HOOK2: variants seen among roughly 807,000 people sequenced by gnomAD.
HOOK2 encodes the protein protein Hook homolog 2.
HOOK2 carries 108 observed loss-of-function variants against 111.9 expected under a neutral mutation model. The ratio of observed to expected loss-of-function variants is 0.96; its 90% CI spans 0.83 to 1.13. HOOK2 has a LOEUF of 1.13. Among genes scored for constraint, HOOK2 ranks in the 50% most tolerant of loss-of-function variants. HOOK2 has a pLI of 0.00. For synonymous variants in HOOK2, 405 were observed against 394.3 expected (o/e 1.03, Z -0.32); for missense variants, 978 against 951.3 (o/e 1.03, Z -0.37).
rs1390932847 is a variant in HOOK2, at chr19:12,765,072, A to T, written c.1650T>A (p.Leu550=). The change falls in exon 19 of 23, where the codon CTT becomes CTA. Residue 550 remains leucine (L), a synonymous_variant. Coordinates refer to ENST00000397668, the MANE Select transcript of HOOK2 (RefSeq NM_013312.3). The part of the protein sequence containing the change: ...KRKLEEHLQK[L]HEADLELQRK... ...TCTGCAACTCCAGATCTGCCTCATG[A>T]AGCTTCTGCCTGTGGGCCGGGGATG... 3 of 1,614,022 alleles carry T rather than the reference A, an allele frequency of 1.9e-6. No individual in the cohort carries two copies. In the East Asian group the frequency reaches 6.7e-5, roughly 36 times the overall value.
At chr19:12,776,043 A>C (rs1423656669), upstream of HOOK2, among the ~76,000 whole-genome samples, 4 of 148,426 alleles carry the variant, frequency 2.7e-5, no homozygotes, top group East Asian at 8.1e-4. Context: ...TCGCCCGGCT[A>C]ATTTTTTGTA....
At position 12,771,483 on chromosome 19, in the gene HOOK2, G is replaced by C. The variant is rs572761575; in HGVS notation, c.520-6C>G. ...AGGAAATAGTACCTGCGGGACTGCAGAGATGAGGGGGAAGAGGAACTCAGG... is the reference window on the plus strand; with the variant it reads ...AGGAAATAGTACCTGCGGGACTGCACAGATGAGGGGGAAGAGGAACTCAGG... On this transcript the variant is annotated splice_region_variant and splice_polypyrimidine_tract_variant and intron_variant, in intron 7 of 22. Coordinates refer to ENST00000397668, the MANE Select transcript of HOOK2 (RefSeq NM_013312.3). The C allele has an allele frequency of 6.2e-7, 1 of 1,608,192 alleles. No individual in the cohort carries two copies. The highest frequency in any genetic ancestry group is 1.3e-5 in the African/African-American group (1 of 74,982).
intron 14 of HOOK2, 53 bp from the exon 15 acceptor site, chr19:12,766,293 C>T: frequency 2.0e-6 from 3 of 1,478,872 alleles, no homozygotes; most frequent in Admixed American, 4.5e-5. Context: ...CTCGCAGGCT[C>T]GCTGGGGCTC....
upstream of HOOK2, among the ~76,000 whole-genome samples, chr19:12,782,525 G>A (rs1968613497): frequency 6.6e-6 from 1 of 152,252 alleles, no homozygotes; most frequent in South Asian, 2.1e-4. Flanking sequence ...CCCTCCCCGC[G>A]TTGCGGGGGC....
intron 1 of HOOK2, 94 bp from the exon 2 acceptor site, chr19:12,774,991 A>G (rs1968453150): frequency 3.2e-6 from 4 of 1,257,714 alleles, no homozygotes; most frequent in East Asian, 2.5e-5. Flanking sequence ...CGAACCTCAC[A>G]TGGTGGGGCG....
chr19:12,768,265 G>A (rs932218693), intron 11 of HOOK2, 142 bp from the exon 12 acceptor site: 1 of 686,254 alleles, frequency 1.5e-6, no homozygotes, highest in Admixed American at 3.0e-5. Flanking sequence ...GTATGTTTTT[G>A]CTTGTTTTTT....
upstream of HOOK2, among the ~76,000 whole-genome samples, chr19:12,782,590 C>G (rs1169248720): frequency 1.3e-5 from 2 of 152,122 alleles, no homozygotes; most frequent in South Asian, 2.1e-4. Context: ...GCGTGGAACC[C>G]GACGCGGTCG....
chr19:12,782,701 G>A (rs1422640382), upstream of HOOK2, among the ~76,000 whole-genome samples: 1 of 152,120 alleles, frequency 6.6e-6, no homozygotes, highest in Admixed American at 6.5e-5. Context: ...GGCGCGCAGG[G>A]CAGGACCAGC....
chr19:12,765,942 C>T lies in HOOK2; in HGVS notation c.1584G>A (p.Gly528=), dbSNP rs770670970. Residue 528 remains glycine (G), a synonymous_variant, in exon 16 of 23, where the codon GGG becomes GGA. Coordinates refer to ENST00000397668, the MANE Select transcript of HOOK2 (RefSeq NM_013312.3). ...TGACACTCACATCTTCAGTCTTGCCCCCCTGCTCCTGCAGGGCTTTCTGCA... is the reference window on the plus strand; with the variant it reads ...TGACACTCACATCTTCAGTCTTGCCTCCCTGCTCCTGCAGGGCTTTCTGCA... ...EDLQKALQEQ[G]GKTEDAISIL... The T allele has an allele frequency of 3.7e-6, 6 of 1,613,944 alleles. No individual in the cohort carries two copies. The highest frequency in any genetic ancestry group is 5.1e-6 in the Non-Finnish European group (6 of 1,179,958).
upstream of HOOK2, among the ~76,000 whole-genome samples, chr19:12,779,634 G>A (rs1968577008): frequency 6.6e-6 from 1 of 152,188 alleles, no homozygotes; most frequent in Non-Finnish European, 1.5e-5. Context: ...GGGATTTCAG[G>A]CGTGAGCCAC....
Position 12,785,305 on chromosome 19 carries a change from C to T in HOOK2, n.42-11080G>A, listed in dbSNP as rs1032396671. 5.3e-5 allele frequency among the ~76,000 whole-genome samples: 8 copies of T among 152,076 alleles called. No homozygotes were observed. The South Asian group carries it at 1.7e-3, about 32-fold the overall frequency. The stretch of plus-strand genomic sequence containing the variant: ...GCCACAGACCTCTTTTTCACACACA[C>T]ACACACACACCAGATCGTATACACA... On this transcript the variant is annotated intron_variant and non_coding_transcript_variant, in intron 3 of 3. Transcript: ENST00000589765.
upstream of HOOK2, among the ~76,000 whole-genome samples, chr19:12,777,867 T>G (rs1568377247): frequency 6.6e-6 from 1 of 152,278 alleles, no homozygotes; most frequent in Non-Finnish European, 1.5e-5. Context: ...TAAATTGCAG[T>G]CACCATGTAT....
At chr19:12,779,782 G>T (rs575901040), upstream of HOOK2, among the ~76,000 whole-genome samples, 12 of 152,272 alleles carry the variant, frequency 7.9e-5, no homozygotes, top group African/African-American at 2.6e-4. Context: ...GATTTGATGG[G>T]GGGGAGGGCT....
In HOOK2 at chr19:12,765,981, G is replaced by A. The variant is rs1968133797; in HGVS notation, c.1545C>T (p.Ala515=). 14 of 1,614,016 alleles carry A rather than the reference G, an allele frequency of 8.7e-6. No homozygotes were observed. The highest frequency in any genetic ancestry group is 1.2e-5 in the Non-Finnish European group (14 of 1,180,020). The change falls in exon 16 of 23, where the codon GCC becomes GCT. Residue 515 remains alanine, a synonymous_variant. Coordinates refer to ENST00000397668, the MANE Select transcript of HOOK2 (RefSeq NM_013312.3). ...LNQQQLSELR[A]QVEDLQKALQ... ...GGGCTTTCTGCAGGTCCTCCACCTG[G>A]GCCCGCAGCTCGGATAGCTGCTGCT...
In HOOK2 at chr19:12,770,028, G is replaced by T; in HGVS notation, c.957C>A (p.Arg319=). The change falls in exon 11 of 23, where the codon CGC becomes CGA. Residue 319 remains arginine, a synonymous_variant. Transcript: ENST00000397668. ...QLEATLTSCR[R]RLGELRELRR... ...GCAGCTCCCTCAGCTCGCCCAAGCG[G>T]CGCCGGCAACTGGTCAGCGTGGCCT... The T allele has an allele frequency of 6.5e-7, 1 of 1,540,626 alleles. No individual in the cohort carries two copies.
chr19:12,765,391 A>G, intron 18 of HOOK2: 1 of 584,788 alleles, frequency 1.7e-6, no homozygotes, highest in Non-Finnish European at 3.1e-6. Flanking sequence ...ACTCTCAAGC[A>G]CTCCATCCAG....
upstream of HOOK2, among the ~76,000 whole-genome samples, chr19:12,782,515 C>T (rs977503135): frequency 6.6e-6 from 1 of 152,228 alleles, no homozygotes; most frequent in African/African-American, 2.4e-5. Flanking sequence ...CCGGGAGGCG[C>T]CCTCCCCGCG....
intron 20 of HOOK2, 65 bp downstream of exon 20, chr19:12,764,749 C>G: frequency 7.1e-7 from 1 of 1,403,710 alleles, no homozygotes; most frequent in Non-Finnish European, 1.0e-6. Flanking sequence ...AGGTTTGACT[C>G]AATAGGAGGC....
intron 17 of HOOK2, 27 bp from the exon 18 acceptor site, chr19:12,765,751 T>G: frequency 1.2e-6 from 2 of 1,613,824 alleles, no homozygotes; most frequent in Non-Finnish European, 1.7e-6. Context: ...GCAAGGTGAG[T>G]GGGGGATCCA....
Sources: gnomAD v4.1 joint callset for allele counts (sites outside exome capture counted in the v4.1 genomes callset) on GRCh38, gnomAD v4.1.1 for gene constraint, MANE v1.5 for transcripts, NCBI Gene and HGNC (gene_info 2026-07-23, HGNC 2026-07-21) for gene names.